Variants in THEM4 observed in about 807,000 individuals in gnomAD.
The protein encoded by THEM4 is acyl-coenzyme A thioesterase THEM4.
THEM4 carries 22 observed loss-of-function variants against 25.0 expected under a neutral mutation model. The ratio of observed to expected loss-of-function variants is 0.88; its 90% CI spans 0.63 to 1.26. THEM4 has a LOEUF of 1.26. Among genes scored for constraint, THEM4 ranks in the 50% most tolerant of loss-of-function variants. The pLI, the probability that THEM4 is intolerant of heterozygous loss-of-function variation, is 0.00. For missense variants in THEM4, 286 were observed against 300.3 expected (o/e 0.95, Z 0.35); for synonymous variants, 113 against 105.6 (o/e 1.07, Z -0.43).
Position 151,872,595 on chromosome 1 carries a change from T to C in THEM4, c.*2293A>G, listed in dbSNP as rs562908952. Among the ~76,000 whole-genome samples, 4 of 152,258 alleles carry C rather than the reference T, an allele frequency of 2.6e-5. No homozygotes were observed. The highest frequency in any genetic ancestry group is 6.5e-5 in the Admixed American group (1 of 15,300). On this transcript the variant is annotated 3_prime_UTR_variant, in exon 6 of 6. Coordinates refer to ENST00000368814, the MANE Select transcript of THEM4 (RefSeq NM_053055.5). Reference sequence around the variant, plus strand: ...TCCATTTTGATCTGTTCTAAGAAAATTGCTTTGCCTTGAGATGCTGTTAAT... The same window carrying C: ...TCCATTTTGATCTGTTCTAAGAAAACTGCTTTGCCTTGAGATGCTGTTAAT...
At position 151,874,015 on chromosome 1, in the gene THEM4, A is replaced by T. The variant is rs890896470; in HGVS notation, c.*873T>A. ...GAACACAGGCTCCTTCCAGTGATGA[A>T]AACCTATGCTGTTGGTAAGAAACAA... On this transcript the variant is annotated 3_prime_UTR_variant, in exon 6 of 6. Coordinates refer to ENST00000368814, the MANE Select transcript of THEM4 (RefSeq NM_053055.5). 6.6e-6 allele frequency: 1 copy of T among 152,234 alleles called. No homozygotes were observed. The highest frequency in any genetic ancestry group is 2.4e-5 in the African/African-American group (1 of 41,462). The allele number at this position is 152,234 out of a possible 1,614,324, so 9.4% of individuals were successfully genotyped here.
chr1:151,887,623 T>C (rs1654001838), intron 4 of THEM4, among the ~76,000 whole-genome samples: 1 of 151,848 alleles, frequency 6.6e-6, no homozygotes. Context: ...GTGTTTTGTG[T>C]GTGTGTGTGT....
chr1:151,901,614 G>C (rs560594915), intron 1 of THEM4, among the ~76,000 whole-genome samples: 1 of 152,162 alleles, frequency 6.6e-6, no homozygotes, highest in African/African-American at 2.4e-5. Context: ...AGGCTGAGGC[G>C]GGAGGATCAC....
At chr1:151,888,665 T>A (rs1654021112) in intron 3 of THEM4, among the ~76,000 whole-genome samples, 1 of 152,136 alleles carries the variant, frequency 6.6e-6, no homozygotes, top group African/African-American at 2.4e-5. Flanking sequence ...AAAATTTATA[T>A]TATGTTTTTA....
chr1:151,875,684 TA>T (rs1653656159), intron 5 of THEM4, among the ~76,000 whole-genome samples: 1 of 152,018 alleles, frequency 6.6e-6, no homozygotes, highest in East Asian at 1.9e-4. Flanking sequence ...ACCACACAGG[TA>T]ATCAGAGAAA....
intron 1 of THEM4, 86 bp downstream of exon 1, chr1:151,909,274 G>A (rs1384778921): frequency 1.3e-5 from 15 of 1,144,016 alleles, no homozygotes; most frequent in Non-Finnish European, 1.7e-5. Context: ...GCTGGTTGGG[G>A]TATGGATAAC....
rs540980813 is a variant in THEM4 at position 151,879,393 on chromosome 1, T to C, written c.558-2268A>G. On this transcript the variant is annotated intron_variant, in intron 4 of 5. Transcript: ENST00000368814. ...TAGCTAATGTTACTCTAATTTACTA[T>C]AGATTTTTTTTAAAAAGTTCTTTTT... Among the ~76,000 whole-genome samples, 23 of 152,008 alleles carry C rather than the reference T, an allele frequency of 1.5e-4. No individual in the cohort carries two copies. The South Asian group carries it at 3.3e-3, about 22-fold the overall frequency.
intron 3 of THEM4, among the ~76,000 whole-genome samples, chr1:151,888,830 A>G (rs1446667123): frequency 6.6e-6 from 1 of 152,114 alleles, no homozygotes. Flanking sequence ...CTTGTCTCAC[A>G]AAACAAAACA....
intron 1 of THEM4, among the ~76,000 whole-genome samples, chr1:151,896,356 T>C (rs1481547182): frequency 6.6e-6 from 1 of 152,142 alleles, no homozygotes; most frequent in Admixed American, 6.6e-5. Context: ...GCTTCCTGTA[T>C]AGCCTGTAGA....
At chr1:151,879,663 T>C (rs189239795) in intron 4 of THEM4, among the ~76,000 whole-genome samples, 1 of 150,462 alleles carries the variant, frequency 6.6e-6, no homozygotes, top group East Asian at 1.9e-4. Flanking sequence ...TCTTTTCTTT[T>C]TTTTTTTTTT....
At chr1:151,897,911 G>GT (rs397783834) in intron 1 of THEM4, among the ~76,000 whole-genome samples, 1 of 151,746 alleles carries the variant, frequency 6.6e-6, no homozygotes, top group African/African-American at 2.4e-5. Context: ...GAAATACAGG[G>GT]TAAGGGAAGC....
At position 151,878,366 on chromosome 1, in the gene THEM4, C is replaced by A. The variant is rs115601901; in HGVS notation, c.558-1241G>T. On this transcript the variant is annotated intron_variant, in intron 4 of 5. Coordinates refer to ENST00000368814, the MANE Select transcript of THEM4 (RefSeq NM_053055.5). Reference sequence around the variant, plus strand: ...TCAATCCTGGAACTTGTGCTGTAGCCCTTGGGGCTGGGTTCTTTTTCTCTG... The same window carrying A: ...TCAATCCTGGAACTTGTGCTGTAGCACTTGGGGCTGGGTTCTTTTTCTCTG... Among the ~76,000 whole-genome samples the A allele has an allele frequency of 7.9e-5, 12 of 152,274 alleles. No individual in the cohort carries two copies. The East Asian group carries it at 2.3e-3, about 29-fold the overall frequency.
At chr1:151,878,863 T>A (rs893020347) in intron 4 of THEM4, among the ~76,000 whole-genome samples, 3 of 145,096 alleles carry the variant, frequency 2.1e-5, no homozygotes, top group African/African-American at 7.6e-5. Context: ...AATAAAAAAA[T>A]TTGTTTTATT....
At chr1:151,905,240 T>C (rs1321459292) in intron 1 of THEM4, among the ~76,000 whole-genome samples, 1 of 152,168 alleles carries the variant, frequency 6.6e-6, no homozygotes, top group Non-Finnish European at 1.5e-5. Flanking sequence ...CCTGGCCTCT[T>C]GAGTTCCTGT....
chr1:151,887,530 T>C (rs1406335254), intron 4 of THEM4, among the ~76,000 whole-genome samples: 1 of 152,080 alleles, frequency 6.6e-6, no homozygotes, highest in Non-Finnish European at 1.5e-5. Flanking sequence ...TCTTATACAC[T>C]GAAAACTACA....
In THEM4 at chr1:151,884,980, C is replaced by T. The variant is rs796717005; in HGVS notation, c.557+3293G>A. Reference sequence around the variant, plus strand: ...GGGATTACAGGCGTGAGCCACCATGCCCGGCCTACAATCTCATTTCTCAAA... The same window carrying T: ...GGGATTACAGGCGTGAGCCACCATGTCCGGCCTACAATCTCATTTCTCAAA... On this transcript the variant is annotated intron_variant, in intron 4 of 5. Transcript: ENST00000368814. 1.1e-4 allele frequency among the ~76,000 whole-genome samples: 17 copies of T among 152,202 alleles called. 1 individual carries two copies. Among genetic ancestry groups the T allele is most frequent in the African/African-American group, 4.1e-4 (17 of 41,552 alleles).
In THEM4 at chr1:151,889,339, C is replaced by T. The variant is rs756885410; in HGVS notation, c.321G>A (p.Gln107=). Residue 107 remains glutamine, a synonymous_variant, in exon 3 of 6, where the codon CAG becomes CAA. Coordinates refer to ENST00000368814, the MANE Select transcript of THEM4 (RefSeq NM_053055.5). ...PKLMKEEQMS[Q]AQLFTRSFDD... ...CAAAGCTTCTGGTGAAGAGCTGGGC[C>T]TGTGACATTTGTTCTTCTTTCATAA... 1.2e-6 allele frequency: 2 copies of T among 1,613,962 alleles called. No homozygotes were observed. Among genetic ancestry groups the T allele is most frequent in the South Asian group, 1.1e-5 (1 of 91,068 alleles).
At position 151,909,480 on chromosome 1, in the gene THEM4, G is replaced by A. The variant is rs1002726513; in HGVS notation, c.-22C>T. On this transcript the variant is annotated 5_prime_UTR_variant, in exon 1 of 6. Coordinates refer to ENST00000368814, the MANE Select transcript of THEM4 (RefSeq NM_053055.5). ...GCATGGCTCCGGGCCGCGGGGCCGC[G>A]CTTGCTCTAGCCCTGGACGGCGCAC... is the stretch of plus-strand genomic sequence containing the variant. 2.9e-6 allele frequency: 4 copies of A among 1,371,290 alleles called. No homozygotes were observed. In the African/African-American group the frequency reaches 4.6e-5, roughly 16 times the overall value. 84.9% of individuals were successfully genotyped at this position (1,371,290 alleles called of 1,614,324 possible).
At chr1:151,889,505 T>C (rs111504039) in intron 2 of THEM4, 132 bp from the exon 3 acceptor site, 39 of 859,574 alleles carry the variant, frequency 4.5e-5, no homozygotes, top group African/African-American at 1.7e-4. Context: ...GGGTGCAAAA[T>C]TGAAAGGAAT....
Sources: allele counts gnomAD v4.1 joint callset (sites outside exome capture counted in the v4.1 genomes callset), GRCh38; gene constraint gnomAD v4.1.1; transcripts MANE v1.5; gene names NCBI Gene and HGNC (gene_info 2026-07-23, HGNC 2026-07-21).